Variants in OR3A2 observed in about 807,000 individuals in gnomAD.
OR3A2 encodes the protein olfactory receptor 3A2.
For missense variants in OR3A2, 318 were observed against 392.8 expected (o/e 0.81, Z 1.61); for synonymous variants, 126 against 159.3 (o/e 0.79, Z 1.57).
At chr17:3,329,054 ATGAAGCCCACT>A (rs1216007628) in intron 3 of OR3A2, among the ~76,000 whole-genome samples, 3 of 151,086 alleles carry the variant, frequency 2.0e-5, no homozygotes, top group Middle Eastern at 7.0e-3. Context: ...CATCCCAGGG[ATGAAGCCCACT>A]TGATCATGGT....
intron 2 of OR3A2, among the ~76,000 whole-genome samples, chr17:3,346,875 T>A (rs1162307399): frequency 6.6e-6 from 1 of 152,200 alleles, no homozygotes; most frequent in African/African-American, 2.4e-5. Context: ...TGACTCTCAT[T>A]TTTTATGGCT....
chr17:3,381,734 T>G (rs1389625347), intron 2 of OR3A2, among the ~76,000 whole-genome samples: 1 of 152,192 alleles, frequency 6.6e-6, no homozygotes, highest in Non-Finnish European at 1.5e-5. Context: ...AAGGAATTCT[T>G]TCTAGAATTC....
intron 3 of OR3A2, among the ~76,000 whole-genome samples, chr17:3,329,389 T>A (rs2049208997): frequency 6.6e-6 from 1 of 150,748 alleles, no homozygotes; most frequent in Non-Finnish European, 1.5e-5. Flanking sequence ...CAATTTCAGC[T>A]CCCGTTATTG....
intron 2 of OR3A2, among the ~76,000 whole-genome samples, chr17:3,345,020 T>C (rs567258509): frequency 6.6e-6 from 1 of 152,168 alleles, no homozygotes; most frequent in Admixed American, 6.6e-5. Context: ...GCTAAAGAGA[T>C]AGAGGAAACC....
chr17:3,300,989 G>A (rs1343278961), intron 3 of OR3A2, among the ~76,000 whole-genome samples: 4 of 152,064 alleles, frequency 2.6e-5, no homozygotes, highest in Non-Finnish European at 5.9e-5. Flanking sequence ...CTGGTTTCCA[G>A]CTTCATCCCT....
chr17:3,307,099 T>C (rs1268328063), intron 3 of OR3A2, among the ~76,000 whole-genome samples: 1 of 152,094 alleles, frequency 6.6e-6, no homozygotes, highest in Non-Finnish European at 1.5e-5. Context: ...GGGAGGGAGA[T>C]AAAAACTGAG....
chr17:3,365,931 C>A (rs1284189868), intron 2 of OR3A2, among the ~76,000 whole-genome samples: 1 of 152,184 alleles, frequency 6.6e-6, no homozygotes, highest in Non-Finnish European at 1.5e-5. Context: ...TTTGAACACA[C>A]AGGACTCAGG....
downstream of OR3A2, chr17:3,276,925 T>C (rs2048739365): frequency 7.4e-6 from 1 of 134,346 alleles, no homozygotes; most frequent in Admixed American, 7.4e-5. Context: ...AGCAGGATTC[T>C]TTTTTTTTTT....
At chr17:3,352,004 C>T (rs1423859783) in intron 2 of OR3A2, among the ~76,000 whole-genome samples, 1 of 152,098 alleles carries the variant, frequency 6.6e-6, no homozygotes, top group African/African-American at 2.4e-5. Flanking sequence ...AACTGGATCC[C>T]TTCCTTACAC....
At chr17:3,307,271 G>A (rs532976872) in intron 3 of OR3A2, among the ~76,000 whole-genome samples, 157 of 152,344 alleles carry the variant, frequency 1.0e-3, no homozygotes, top group African/African-American at 3.3e-3. Context: ...AAAAGGAGAC[G>A]ACACAGCCTC....
At chr17:3,312,688 G>A (rs904298990) in intron 3 of OR3A2, among the ~76,000 whole-genome samples, 2 of 152,134 alleles carry the variant, frequency 1.3e-5, no homozygotes, top group Admixed American at 1.3e-4. Context: ...GCAGCGGCAC[G>A]ATCTTGGCTC....
intron 2 of OR3A2, among the ~76,000 whole-genome samples, chr17:3,339,081 T>A (rs11872075): frequency 3.3e-5 from 5 of 152,280 alleles, no homozygotes; most frequent in Admixed American, 6.5e-5. Context: ...CTGTTATTGG[T>A]GTATAAGAAT....
chr17:3,308,460 T>C (rs2150629518), intron 3 of OR3A2, among the ~76,000 whole-genome samples: 1 of 152,264 alleles, frequency 6.6e-6, no homozygotes, highest in Middle Eastern at 3.4e-3. Flanking sequence ...GTTCACCCTC[T>C]GGGCTCTGAA....
upstream of OR3A2, chr17:3,284,583 GGAA>G (rs1406756646): frequency 6.7e-6 from 1 of 149,424 alleles, no homozygotes; most frequent in East Asian, 1.9e-4. Context: ...GGAGAGACAC[GGAA>G]AAGGAGACAC....
chr17:3,305,431 T>A (rs2048991740), intron 3 of OR3A2, among the ~76,000 whole-genome samples: 1 of 152,164 alleles, frequency 6.6e-6, no homozygotes, highest in Admixed American at 6.5e-5. Context: ...ACTGAGTAAT[T>A]TTTACTTTTG....
At chr17:3,365,051 C>T (rs1166028406) in intron 2 of OR3A2, among the ~76,000 whole-genome samples, 2 of 152,086 alleles carry the variant, frequency 1.3e-5, no homozygotes, top group Admixed American at 1.3e-4. Context: ...ATGACCAGAG[C>T]AAACCCTGAG....
intron 2 of OR3A2, among the ~76,000 whole-genome samples, chr17:3,349,952 A>T (rs2150653119): frequency 6.6e-6 from 1 of 151,120 alleles, no homozygotes; most frequent in East Asian, 1.9e-4. Context: ...TAATGAAATG[A>T]AGGCAGAAAT....
At chr17:3,292,701 G>T in intron 3 of OR3A2, 1 of 838,504 alleles carries the variant, frequency 1.2e-6, no homozygotes, top group Non-Finnish European at 1.8e-6. Flanking sequence ...CGTTCCCTCT[G>T]TACAAGTAAG....
intron 2 of OR3A2, among the ~76,000 whole-genome samples, chr17:3,345,165 G>A (rs1035039369): frequency 2.0e-5 from 3 of 152,200 alleles, no homozygotes; most frequent in African/African-American, 4.8e-5. Context: ...AATAAATTCA[G>A]AGGAAAGATG....
Sources: gnomAD v4.1 joint callset for allele counts (sites outside exome capture counted in the v4.1 genomes callset) on GRCh38, gnomAD v4.1.1 for gene constraint, MANE v1.5 for transcripts, NCBI Gene and HGNC (gene_info 2026-07-23, HGNC 2026-07-21) for gene names.